Variants in AFTPH observed in about 807,000 individuals in gnomAD.
AFTPH encodes the protein aftiphilin protein.
AFTPH carries 7 observed loss-of-function variants against 72.5 expected under a neutral mutation model. The observed-to-expected ratio is 0.10, with a 90% CI of 0.05 to 0.18. AFTPH has a LOEUF of 0.18. Ranked by LOEUF, AFTPH falls within the 10% of genes least tolerant of loss-of-function variation. The probability of loss-of-function intolerance (pLI) is 1.00; values close to 1 mark genes in which losing one functional copy is unlikely to be tolerated. For synonymous variants in AFTPH, 337 were observed against 370.1 expected, an observed-to-expected ratio of 0.91 and a Z score of 1.03; for missense variants, 979 against 1,060.5, an observed-to-expected ratio of 0.92 and a Z score of 1.07.
At chr2:64,578,560 T>A (rs1042585874) in intron 6 of AFTPH, among the ~76,000 whole-genome samples, 6 of 34,638 alleles carry the variant, frequency 1.7e-4, no homozygotes, top group Admixed American at 2.5e-4. Flanking sequence ...AATAGTGAAT[T>A]TTTTTTTTTT....
chr2:64,572,586 GT>G (rs1672504761), intron 5 of AFTPH, among the ~76,000 whole-genome samples: 1 of 152,128 alleles, frequency 6.6e-6, no homozygotes, highest in Non-Finnish European at 1.5e-5. Context: ...TAATAATTCT[GT>G]ACTTTAAAAC....
At chr2:64,533,073 A>G (rs1212569151) in intron 1 of AFTPH, among the ~76,000 whole-genome samples, 3 of 152,088 alleles carry the variant, frequency 2.0e-5, no homozygotes. Context: ...GCTGAAGACA[A>G]TTATGAATAG....
intron 1 of AFTPH, among the ~76,000 whole-genome samples, chr2:64,548,735 A>G (rs138850500): frequency 2.9e-4 from 44 of 152,296 alleles, no homozygotes; most frequent in African/African-American, 1.0e-3. Flanking sequence ...TCGTACACTA[A>G]TTAGAAGGGG....
chr2:64,571,555 A>G (rs1017925242), intron 5 of AFTPH, among the ~76,000 whole-genome samples: 2 of 152,204 alleles, frequency 1.3e-5, no homozygotes, highest in African/African-American at 4.8e-5. Context: ...CAGATGTGCT[A>G]CTGTTAAGAA....
chr2:64,541,085 C>G (rs1304044555), intron 1 of AFTPH, among the ~76,000 whole-genome samples: 1 of 152,050 alleles, frequency 6.6e-6, no homozygotes, highest in African/African-American at 2.4e-5. Flanking sequence ...ATTACTTAAC[C>G]TCTTTGAGCT....
At position 64,539,982 on chromosome 2, in the gene AFTPH, G is replaced by A. The variant is rs184276031; in HGVS notation, c.-32-11461G>A. 2.0e-5 allele frequency among the ~76,000 whole-genome samples: 3 copies of A among 152,216 alleles called. No individual in the cohort carries two copies. In the East Asian group the frequency reaches 5.8e-4, roughly 29 times the overall value. ...GTTTTGAGTATGGAAGAGGCTGAAC[G>A]TTTATAGGAAAGGATCAATAGTGAT... On this transcript the variant is annotated intron_variant, in intron 1 of 8. Coordinates refer to ENST00000238856, the Ensembl canonical transcript of AFTPH.
At chr2:64,560,619 T>A (rs1193605061) in intron 2 of AFTPH, among the ~76,000 whole-genome samples, 1 of 152,172 alleles carries the variant, frequency 6.6e-6, no homozygotes, top group East Asian at 1.9e-4. Context: ...ATGCCTGTAA[T>A]CCCAGCACTT....
chr2:64,551,533 C>G lies in AFTPH; in HGVS notation c.59C>G (p.Ala20Gly), dbSNP rs143533116. 114 of 1,613,834 alleles carry G rather than the reference C, an allele frequency of 7.1e-5. No individual in the cohort carries two copies. Among genetic ancestry groups the G allele is most frequent in the Non-Finnish European group, 9.1e-5 (107 of 1,179,922 alleles). Reference sequence around the variant, plus strand: ...TCCCCACCACCATTAGACAATGGAGCAGAGGATGATGATGATGATGAATTT... The same window carrying G: ...TCCCCACCACCATTAGACAATGGAGGAGAGGATGATGATGATGATGAATTT... The change falls in exon 2 of 9, where the codon GCA becomes GGA. Residue 20 changes from alanine to glycine, a missense_variant. Ala to Gly is a moderately conservative substitution (Grantham distance 60). Coordinates refer to ENST00000238856, the Ensembl canonical transcript of AFTPH.
chr2:64,579,934 C>G (rs528968447), intron 7 of AFTPH: 22 of 166,036 alleles, frequency 1.3e-4, no homozygotes, highest in African/African-American at 5.3e-4. Flanking sequence ...CTTCAAAGCA[C>G]AAAGCACAAT....
chr2:64,560,930 C>T (rs1671697089), intron 2 of AFTPH, among the ~76,000 whole-genome samples: 1 of 152,202 alleles, frequency 6.6e-6, no homozygotes, highest in South Asian at 2.1e-4. Context: ...GTGGGAGTAC[C>T]CCCTAGTTCT....
chr2:64,532,433 T>G (rs1669678618), intron 1 of AFTPH, among the ~76,000 whole-genome samples: 1 of 152,186 alleles, frequency 6.6e-6, no homozygotes, highest in Non-Finnish European at 1.5e-5. Flanking sequence ...AAATACTACT[T>G]AGGGAGATTA....
chr2:64,555,586 C>T (rs886210166), intron 2 of AFTPH, among the ~76,000 whole-genome samples: 3 of 151,650 alleles, frequency 2.0e-5, no homozygotes, highest in Non-Finnish European at 2.9e-5. Flanking sequence ...CACACACACA[C>T]ACACACACAC....
At chr2:64,569,051 T>C (rs1672261474) in intron 3 of AFTPH, 41 bp from the exon 4 acceptor site, 1 of 1,612,624 alleles carries the variant, frequency 6.2e-7, no homozygotes, top group Non-Finnish European at 8.5e-7. Flanking sequence ...TGAAAGTTAT[T>C]GAGTAACCTG....
At position 64,581,173 on chromosome 2, in the gene AFTPH, G is replaced by A; in HGVS notation, c.2455+1627G>A. On this transcript the variant is annotated intron_variant, in intron 7 of 8. Transcript: ENST00000238856. The stretch of plus-strand genomic sequence containing the variant: ...CTTCTGTGTGGCTGCCTACCAACAC[G>A]GTCACTGAATTTCAAGCTAGTGGAG... 6.3e-7 allele frequency: 1 copy of A among 1,575,782 alleles called. No homozygotes were observed. The highest frequency in any genetic ancestry group is 8.6e-7 in the Non-Finnish European group (1 of 1,160,090).
At chr2:64,539,664 T>C (rs113497959) in intron 1 of AFTPH, among the ~76,000 whole-genome samples, 18 of 152,318 alleles carry the variant, frequency 1.2e-4, no homozygotes, top group African/African-American at 3.4e-4. Context: ...GATGATAATA[T>C]ATTTAGTTCC....
At chr2:64,568,968 T>C (rs1672256794) in intron 3 of AFTPH, 124 bp from the exon 4 acceptor site, 2 of 1,026,130 alleles carry the variant, frequency 1.9e-6, no homozygotes, top group Non-Finnish European at 1.5e-6. Flanking sequence ...CAAATAGTTA[T>C]ACACTTACGT....
intron 7 of AFTPH, among the ~76,000 whole-genome samples, chr2:64,581,813 TTC>T (rs1240021805): frequency 1.3e-5 from 2 of 152,210 alleles, no homozygotes; most frequent in African/African-American, 4.8e-5. Context: ...ATAGAACTAT[TTC>T]TGTTTTTATG....
chr2:64,550,336 T>G (rs1437529530), intron 1 of AFTPH, among the ~76,000 whole-genome samples: 1 of 151,996 alleles, frequency 6.6e-6, no homozygotes, highest in Non-Finnish European at 1.5e-5. Context: ...GAAACCAGCC[T>G]GGGCAACATA....
chr2:64,552,710 A>G (rs770223529), exon 2 of AFTPH: 2 of 1,614,178 alleles, frequency 1.2e-6, no homozygotes, highest in Admixed American at 1.7e-5. Context: ...CTTTAAGTGT[A>G]AAAAATGGTG....
Sources: allele counts gnomAD v4.1 joint callset (sites outside exome capture counted in the v4.1 genomes callset), GRCh38; gene constraint gnomAD v4.1.1; transcripts MANE v1.5; gene names NCBI Gene and HGNC (gene_info 2026-07-23, HGNC 2026-07-21).